The following IQCH variants were observed in gnomAD, a reference collection of about 807,000 sequenced individuals.
The protein encoded by IQCH is IQ motif containing H.
A neutral mutation model predicts 117.0 loss-of-function variants in IQCH; 98 were observed. The observed-to-expected ratio is 0.84, with a 90% CI of 0.71 to 0.99. IQCH has a LOEUF of 0.99. Among genes scored for constraint, IQCH ranks in the 50% least tolerant of loss-of-function variants. The pLI, the probability that IQCH is intolerant of heterozygous loss-of-function variation, is 0.00. For synonymous variants in IQCH, 412 were observed against 448.2 expected (o/e 0.92, Z 1.02); for missense variants, 1,102 against 1,243.8 (o/e 0.89, Z 1.72).
intron 1 of IQCH, among the ~76,000 whole-genome samples, chr15:67,259,634 G>T (rs1456366645): frequency 1.3e-5 from 2 of 152,206 alleles, no homozygotes; most frequent in African/African-American, 4.8e-5. Context: ...GTAGTTGATA[G>T]ACATAATTAC....
rs920776931 is a variant in IQCH at position 67,321,530 on chromosome 15, TTTCC to T, written c.388-15430_388-15427del. ...TTCTTTCTTTTTCTTTCTTTCTTTC[TTTCC>T]TTCCTTCCTTCCTTTCTTTCCTTTC... On this transcript the variant is annotated intron_variant, in intron 4 of 20. Coordinates refer to ENST00000335894, the MANE Select transcript of IQCH (RefSeq NM_001031715.3). Among the ~76,000 whole-genome samples, 134 of 148,226 alleles carry T rather than the reference TTTCC, an allele frequency of 9.0e-4. 1 individual carries two copies. The highest frequency in any genetic ancestry group is 4.5e-3 in the Admixed American group (68 of 15,104).
At chr15:67,444,441 T>G (rs1481303263) in intron 16 of IQCH, among the ~76,000 whole-genome samples, 3 of 152,184 alleles carry the variant, frequency 2.0e-5, no homozygotes, top group Admixed American at 6.5e-5. Flanking sequence ...CAAACCACTT[T>G]CTACAAGTAG....
At position 67,407,129 on chromosome 15, in the gene IQCH, T is replaced by C; in HGVS notation, c.2097+6824T>C. 6.6e-6 allele frequency: 1 copy of C among 152,360 alleles called. No homozygotes were observed. The highest frequency in any genetic ancestry group is 1.9e-4 in the East Asian group (1 of 5,190). The allele number at this position is 152,360 out of a possible 1,614,324, so 9.4% of individuals were successfully genotyped here. On this transcript the variant is annotated intron_variant, in intron 14 of 20. Coordinates refer to ENST00000335894, the MANE Select transcript of IQCH (RefSeq NM_001031715.3). The surrounding 1 kb of genome is among the most constrained non-coding windows in gnomAD (Gnocchi z 5.3). ...TTGGTTGATCCAGTTGTTCCCAGCC[T>C]ATGCTTTACCCAGACAGTGCCTTGG...
chr15:67,488,052 C>T (rs1021796581), intron 18 of IQCH, among the ~76,000 whole-genome samples: 1 of 152,170 alleles, frequency 6.6e-6, no homozygotes, highest in African/African-American at 2.4e-5. Flanking sequence ...TGGCTCATGC[C>T]TGTAATCCCA....
chr15:67,347,845 TTTTATATA>T (rs1969473041), intron 6 of IQCH, among the ~76,000 whole-genome samples: 1 of 146,758 alleles, frequency 6.8e-6, no homozygotes. Flanking sequence ...ATATAGATAT[TTTTATATA>T]TTTATATATC....
At chr15:67,341,933 T>C (rs939497565) in intron 5 of IQCH, among the ~76,000 whole-genome samples, 1 of 152,150 alleles carries the variant, frequency 6.6e-6, no homozygotes, top group African/African-American at 2.4e-5. Context: ...AAATGAACCT[T>C]AATCTTTACA....
intron 4 of IQCH, among the ~76,000 whole-genome samples, chr15:67,334,212 G>A (rs923769978): frequency 4.6e-5 from 7 of 152,110 alleles, no homozygotes; most frequent in Non-Finnish European, 1.0e-4. Context: ...ACTACAAAGT[G>A]TGGTTGCAGA....
chr15:67,497,222 T>C (rs1365910116), intron 20 of IQCH, among the ~76,000 whole-genome samples: 2 of 151,598 alleles, frequency 1.3e-5, no homozygotes, highest in African/African-American at 2.4e-5. Flanking sequence ...TTCCAGCTAC[T>C]CAGGAGGCTG....
rs2140680634 is a variant in IQCH at position 67,342,842 on chromosome 15, C to T, written c.509-1221C>T. On this transcript the variant is annotated intron_variant, in intron 5 of 20. Transcript: ENST00000335894. This position sits in a 1 kb window ranked among gnomAD's most constrained non-coding sequence, Gnocchi z 4.7. ...CCCAATTCTAGTGGTTCTCTAACTT[C>T]AGCGCACATGAATATCTCCTGGAGC... 6.6e-6 allele frequency among the ~76,000 whole-genome samples: 1 copy of T among 152,222 alleles called. No homozygotes were observed. The highest frequency in any genetic ancestry group is 2.4e-5 in the African/African-American group (1 of 41,544).
Position 67,473,734 on chromosome 15 carries a change from C to T in IQCH, c.2677-1962C>T, listed in dbSNP as rs1387815131. ...TCAGAAAACTCCCAGTCATGGAGGG[C>T]AGATGACCAAGGGAACAACTCATGA... On this transcript the variant is annotated intron_variant, in intron 17 of 20. Transcript: ENST00000335894. The surrounding 1 kb of genome is among the most constrained non-coding windows in gnomAD (Gnocchi z 4.9). Among the ~76,000 whole-genome samples, 6 of 152,150 alleles carry T rather than the reference C, an allele frequency of 3.9e-5. No individual in the cohort carries two copies.
Position 67,459,533 on chromosome 15 carries a change from G to A in IQCH, c.2506-5594G>A, listed in dbSNP as rs1385267185. Among the ~76,000 whole-genome samples the A allele has an allele frequency of 6.6e-6, 1 of 152,162 alleles. No individual in the cohort carries two copies. The highest frequency in any genetic ancestry group is 2.4e-5 in the African/African-American group (1 of 41,442). Reference sequence around the variant, plus strand: ...GCCTCCATCTGCTGAGAACACCTCAGGCAAAAAGGGCTCAAGACCAGGCTT... The same window carrying A: ...GCCTCCATCTGCTGAGAACACCTCAAGCAAAAAGGGCTCAAGACCAGGCTT... On this transcript the variant is annotated intron_variant, in intron 16 of 20. Coordinates refer to ENST00000335894, the MANE Select transcript of IQCH (RefSeq NM_001031715.3). This position sits in a 1 kb window ranked among gnomAD's most constrained non-coding sequence, Gnocchi z 4.2.
chr15:67,319,330 C>T (rs1016834106), intron 4 of IQCH, among the ~76,000 whole-genome samples: 5 of 152,154 alleles, frequency 3.3e-5, no homozygotes, highest in African/African-American at 4.8e-5. Flanking sequence ...ACGCTCCAAT[C>T]CTAGATCTGG....
intron 3 of IQCH, among the ~76,000 whole-genome samples, chr15:67,269,765 T>C (rs1458612652): frequency 6.6e-6 from 1 of 152,202 alleles, no homozygotes; most frequent in Non-Finnish European, 1.5e-5. Context: ...CTTATTTCAC[T>C]CAACATAATA....
chr15:67,375,861 A>G (rs1970719397), intron 10 of IQCH, among the ~76,000 whole-genome samples: 1 of 143,640 alleles, frequency 7.0e-6, no homozygotes, highest in Non-Finnish European at 1.5e-5. Flanking sequence ...ATCTCGGCTC[A>G]GTGCATTCTC....
At position 67,386,130 on chromosome 15, in the gene IQCH, T is replaced by C. The variant is rs899855831; in HGVS notation, c.1456+1111T>C. ...AGATTGATTTGTTAGTGCTAAGCTATTTCAACTAAAAACCTGACTGGATGG... is the reference window on the plus strand; with the variant it reads ...AGATTGATTTGTTAGTGCTAAGCTACTTCAACTAAAAACCTGACTGGATGG... On this transcript the variant is annotated intron_variant, in intron 11 of 20. Coordinates refer to ENST00000335894, the MANE Select transcript of IQCH (RefSeq NM_001031715.3). The surrounding 1 kb of genome is among the most constrained non-coding windows in gnomAD (Gnocchi z 5.0). Among the ~76,000 whole-genome samples the C allele has an allele frequency of 7.9e-5, 12 of 152,294 alleles. No individual in the cohort carries two copies. In the East Asian group the frequency reaches 2.3e-3, roughly 29 times the overall value.
At chr15:67,383,677 C>A (rs1971017716) in intron 10 of IQCH, among the ~76,000 whole-genome samples, 1 of 152,162 alleles carries the variant, frequency 6.6e-6, no homozygotes, top group African/African-American at 2.4e-5. Flanking sequence ...TGCAGTCACA[C>A]ATAAAGACAT....
intron 10 of IQCH, chr15:67,374,039 T>C (rs1040101544): frequency 1.3e-5 from 2 of 152,518 alleles, no homozygotes; most frequent in Non-Finnish European, 2.9e-5. Flanking sequence ...ATTATTTAAT[T>C]ACATTTATGA....
Position 67,415,805 on chromosome 15 carries a change from T to C in IQCH, c.2098-1126T>C, listed in dbSNP as rs2081561251. Among the ~76,000 whole-genome samples the C allele has an allele frequency of 2.6e-5, 4 of 152,334 alleles. No homozygotes were observed. In the South Asian group the frequency reaches 8.3e-4, roughly 32 times the overall value. On this transcript the variant is annotated intron_variant, in intron 14 of 20. Coordinates refer to ENST00000335894, the MANE Select transcript of IQCH (RefSeq NM_001031715.3). ...TTGTCAGTGCTCCATATTTTGAATA[T>C]GAATATTGTCTATCATATGAGTTTC...
chr15:67,451,639 T>C, intron 16 of IQCH, among the ~76,000 whole-genome samples: 1 of 152,222 alleles, frequency 6.6e-6, no homozygotes. Flanking sequence ...GTGCTTTACT[T>C]CCAACTGTGT....
Sources: gnomAD v4.1 joint callset for allele counts (sites outside exome capture counted in the v4.1 genomes callset) on GRCh38, gnomAD v4.1.1 for gene constraint, Gnocchi (gnomAD v3.1) non-coding constraint, MANE v1.5 for transcripts, NCBI Gene and HGNC (gene_info 2026-07-23, HGNC 2026-07-21) for gene names.